The following PLA2G4E variants were observed in gnomAD, a reference collection of about 807,000 sequenced individuals.
PLA2G4E encodes the protein cytosolic phospholipase A2 epsilon.
PLA2G4E carries 84 observed loss-of-function variants against 109.1 expected under a neutral mutation model. That is an observed-to-expected ratio of 0.77 (90% confidence interval 0.65 to 0.92). PLA2G4E has a LOEUF of 0.92. Ranked by LOEUF, PLA2G4E falls within the 40% of genes least tolerant of loss-of-function variation. The pLI is 0.00. For missense variants in PLA2G4E, 1,057 were observed against 1,076.6 expected, an observed-to-expected ratio of 0.98 and a Z score of 0.25; for synonymous variants, 469 against 436.1, an observed-to-expected ratio of 1.08 and a Z score of -0.94.
At chr15:42,042,336 G>T (rs899295614) in intron 1 of PLA2G4E, among the ~76,000 whole-genome samples, 2 of 151,990 alleles carry the variant, frequency 1.3e-5, no homozygotes, top group African/African-American at 4.8e-5. Context: ...GTATATTAAG[G>T]GTTCAGGAAG....
In PLA2G4E at chr15:42,004,979, C is replaced by A. The variant is rs1221963802; in HGVS notation, c.526-1G>T. ...ACTCCACCTCCAGCTCTTCCATGCC[C>A]TGGTAGGGGAGGGAGGGAAGGCAGC... On this transcript the variant is annotated splice_acceptor_variant, in intron 4 of 19. Transcript: ENST00000399518. LOFTEE classifies it high-confidence loss of function. 1 of 1,612,760 alleles carries A rather than the reference C, an allele frequency of 6.2e-7. No homozygotes were observed. The highest frequency in any genetic ancestry group is 1.3e-5 in the African/African-American group (1 of 74,878).
chr15:41,995,411 A>G lies in PLA2G4E; in HGVS notation c.1196T>C (p.Leu399Pro). The G allele has an allele frequency of 6.2e-7, 1 of 1,613,714 alleles. No individual in the cohort carries two copies. Among genetic ancestry groups the G allele is most frequent in the Non-Finnish European group, 8.5e-7 (1 of 1,179,616 alleles). ...GTAGCTGGCACAGTCCAGGAGGTTCAGCTTCTGCAGCCCCAGCAGGTGGCC... is the reference window on the plus strand; with the variant it reads ...GTAGCTGGCACAGTCCAGGAGGTTCGGCTTCTGCAGCCCCAGCAGGTGGCC... Residue 399 changes from leucine to proline, a missense_variant, in exon 12 of 20, where the codon CTG becomes CCG. Transcript: ENST00000399518.
At chr15:42,044,327 G>A (rs918690898) in intron 1 of PLA2G4E, among the ~76,000 whole-genome samples, 8 of 152,068 alleles carry the variant, frequency 5.3e-5, no homozygotes, top group South Asian at 2.1e-4. Flanking sequence ...AGCTACATGC[G>A]GGCTGTGGGG....
At chr15:41,994,646 G>A (rs1340050461) in intron 12 of PLA2G4E, among the ~76,000 whole-genome samples, 2 of 152,048 alleles carry the variant, frequency 1.3e-5, no homozygotes, top group Non-Finnish European at 2.9e-5. Flanking sequence ...TTACAGATGT[G>A]AGCCACCATA....
At chr15:41,995,701 T>C (rs189134322) in intron 11 of PLA2G4E, among the ~76,000 whole-genome samples, 3 of 152,138 alleles carry the variant, frequency 2.0e-5, no homozygotes, top group Admixed American at 2.0e-4. Flanking sequence ...CACCCAGAAG[T>C]TGGTGTCAGT....
intron 1 of PLA2G4E, among the ~76,000 whole-genome samples, chr15:42,049,762 G>C (rs961993467): frequency 1.3e-5 from 2 of 152,164 alleles, no homozygotes; most frequent in Non-Finnish European, 2.9e-5. Flanking sequence ...GCAGAGCTCA[G>C]TCTGGTGCCA....
intron 2 of PLA2G4E, among the ~76,000 whole-genome samples, chr15:42,012,779 C>T (rs188110880): frequency 2.0e-3 from 303 of 152,358 alleles, no homozygotes; most frequent in African/African-American, 7.0e-3. Flanking sequence ...GGCTCTGTGT[C>T]TTCTCTGCCC....
At chr15:42,040,095 G>A (rs1347555362) in intron 1 of PLA2G4E, among the ~76,000 whole-genome samples, 3 of 152,186 alleles carry the variant, frequency 2.0e-5, no homozygotes, top group Non-Finnish European at 4.4e-5. Context: ...CCAGCACTTT[G>A]GGAGGCCGAG....
chr15:42,038,537 C>T (rs1305691592), intron 1 of PLA2G4E, among the ~76,000 whole-genome samples: 2 of 152,184 alleles, frequency 1.3e-5, no homozygotes, highest in African/African-American at 4.8e-5. Flanking sequence ...ATAGTGTTTG[C>T]ACTCCTATGA....
intron 1 of PLA2G4E, among the ~76,000 whole-genome samples, chr15:42,039,722 A>C (rs1275702024): frequency 6.6e-6 from 1 of 152,140 alleles, no homozygotes; most frequent in African/African-American, 2.4e-5. Flanking sequence ...AAAATATATA[A>C]ACCTAAGGAG....
chr15:41,988,591 A>G (rs2141024266), intron 15 of PLA2G4E, among the ~76,000 whole-genome samples: 1 of 152,354 alleles, frequency 6.6e-6, no homozygotes, highest in South Asian at 2.1e-4. Flanking sequence ...TGGAATCTCT[A>G]TAAGGTGGGT....
At chr15:42,010,425 C>G (rs1407171552) in intron 2 of PLA2G4E, among the ~76,000 whole-genome samples, 1 of 152,164 alleles carries the variant, frequency 6.6e-6, no homozygotes, top group East Asian at 1.9e-4. Context: ...GATCAGACAC[C>G]CACATTCCAA....
intron 17 of PLA2G4E, 71 bp downstream of exon 17, chr15:41,987,101 G>A: frequency 6.8e-7 from 1 of 1,466,448 alleles, no homozygotes; most frequent in South Asian, 1.2e-5. Context: ...CTTTATCCAT[G>A]GCAGCCTTGA....
At chr15:41,985,892 G>T (rs772442758) in exon 18 of PLA2G4E, 81 of 1,610,538 alleles carry the variant, frequency 5.0e-5, no homozygotes, top group Non-Finnish European at 6.7e-5. Flanking sequence ...TCGGCTTTTC[G>T]CTCTGGCCTG....
chr15:41,986,701 TTAAGAGA>T (rs2068147655), intron 17 of PLA2G4E, among the ~76,000 whole-genome samples: 1 of 152,056 alleles, frequency 6.6e-6, no homozygotes, highest in Non-Finnish European at 1.5e-5. Context: ...CAATTTTTTT[TTAAGAGA>T]TGGGGTCTCA....
chr15:42,048,960 C>T (rs1230030177), intron 1 of PLA2G4E, among the ~76,000 whole-genome samples: 2 of 152,222 alleles, frequency 1.3e-5, no homozygotes, highest in African/African-American at 4.8e-5. Context: ...CCAGGGCAGG[C>T]AAGGGCAGGC....
Position 41,999,844 on chromosome 15 carries a change from C to T in PLA2G4E, c.936+73G>A, listed in dbSNP as rs919684392. 8.3e-6 allele frequency: 12 copies of T among 1,450,560 alleles called. No homozygotes were observed. In the African/African-American group the frequency reaches 1.5e-4, roughly 19 times the overall value. 89.9% of individuals were successfully genotyped at this position (1,450,560 alleles called of 1,614,324 possible). On this transcript the variant is annotated intron_variant, in intron 9 of 19. Coordinates refer to ENST00000399518, the Ensembl canonical transcript of PLA2G4E. ...ACATTCTCTCTTGTACCTCCCCAGG[C>T]TCTCCCCACCTCCCTACCACAGGAG...
rs114797380 is a variant in PLA2G4E at position 41,995,628 on chromosome 15, G to A, written c.1111-132C>T. The A allele has an allele frequency of 1.1e-4, 126 of 1,176,600 alleles. No homozygotes were observed. The African/African-American group carries it at 1.3e-3, about 12-fold the overall frequency. The allele number at this position is 1,176,600 out of a possible 1,614,324, so 72.9% of individuals were successfully genotyped here. A position where few individuals can be genotyped will look rare whatever the true frequency, so the allele number is the denominator to read the frequency against. ...GGCTACAGAGGGCAGGGAGTGCGGC[G>A]TTGAGCCACCTGACACCTGCCTTTC... On this transcript the variant is annotated intron_variant, in intron 11 of 19. Coordinates refer to ENST00000399518, the Ensembl canonical transcript of PLA2G4E.
intron 1 of PLA2G4E, among the ~76,000 whole-genome samples, chr15:42,025,106 G>A (rs1264127222): frequency 1.3e-5 from 2 of 151,276 alleles, no homozygotes; most frequent in Non-Finnish European, 2.9e-5. Flanking sequence ...TGAGGCAGGA[G>A]AATGGCATGA....
Sources: gnomAD v4.1 joint callset for allele counts (sites outside exome capture counted in the v4.1 genomes callset) on GRCh38, gnomAD v4.1.1 for gene constraint, MANE v1.5 for transcripts, NCBI Gene and HGNC (gene_info 2026-07-23, HGNC 2026-07-21) for gene names.